The following CST8 variants were observed in gnomAD, a reference collection of about 807,000 sequenced individuals.
CST8 encodes the protein cystatin 8.
In CST8, 20 loss-of-function variants were observed where a neutral mutation model predicts 11.8. The observed-to-expected ratio is 1.70, with a 90% CI of 1.20 to 2.47. The LOEUF is 2.47. Ranked by LOEUF, CST8 falls within the 30% of genes most tolerant of loss-of-function variation. The pLI, the probability that CST8 is intolerant of heterozygous loss-of-function variation, is 0.00. For missense variants in CST8, 196 were observed against 167.2 expected, an observed-to-expected ratio of 1.17 and a Z score of -0.95; for synonymous variants, 77 against 63.1, an observed-to-expected ratio of 1.22 and a Z score of -1.05.
chr20:23,494,044 C>T (rs981620800), intron 3 of CST8, among the ~76,000 whole-genome samples: 1 of 152,058 alleles, frequency 6.6e-6, no homozygotes, highest in Non-Finnish European at 1.5e-5. Context: ...TATGAACTGC[C>T]CTGCCATTAT....
At chr20:23,500,393 G>A (rs538975113), downstream of CST8, among the ~76,000 whole-genome samples, 1 of 152,148 alleles carries the variant, frequency 6.6e-6, no homozygotes, top group Non-Finnish European at 1.5e-5. Context: ...GAGGACGTGA[G>A]TGCTGTCCCA....
the CST8 span, among the ~76,000 whole-genome samples, chr20:23,501,055 A>T: frequency 1.3e-5 from 2 of 152,168 alleles, no homozygotes; most frequent in African/African-American, 4.8e-5. Context: ...TTAAGGCCAG[A>T]TTCTAAATTT....
chr20:23,503,614 C>A, the CST8 span, among the ~76,000 whole-genome samples: 2 of 152,160 alleles, frequency 1.3e-5, no homozygotes, highest in African/African-American at 2.4e-5. Context: ...ACTGAGAAAT[C>A]TTTCAGAAGT....
At chr20:23,500,437 A>C (rs1463824242), downstream of CST8, among the ~76,000 whole-genome samples, 1 of 151,944 alleles carries the variant, frequency 6.6e-6, no homozygotes, top group Non-Finnish European at 1.5e-5. Flanking sequence ...GGCCTTCACC[A>C]CCTAACTTAA....
chr20:23,504,119 G>T, the CST8 span, among the ~76,000 whole-genome samples: 2 of 152,198 alleles, frequency 1.3e-5, no homozygotes, highest in South Asian at 2.1e-4. Flanking sequence ...GCCCAGAGGG[G>T]CATTGAAATG....
chr20:23,491,916 T>C lies in CST8; in HGVS notation c.231+18T>C. ...AGCTTCAGGTAAAGGTGTCTTTCCA[T>C]ATAGGTGGACATTTGCATATGGTGG... On this transcript the variant is annotated intron_variant, in intron 2 of 3. Transcript: ENST00000246012. 1 of 1,592,004 alleles carries C rather than the reference T, an allele frequency of 6.3e-7. No homozygotes were observed. Among genetic ancestry groups the C allele is most frequent in the Non-Finnish European group, 8.6e-7 (1 of 1,159,900 alleles).
At position 23,491,592 on chromosome 20, in the gene CST8, C is replaced by T. The variant is rs1331408628; in HGVS notation, c.-76C>T. Reference sequence around the variant, plus strand: ...CTTGAACCCACAGCAGCAGCTGCGGCCACCCCATCCTGCCCACAGCTCCAG... The same window carrying T: ...CTTGAACCCACAGCAGCAGCTGCGGTCACCCCATCCTGCCCACAGCTCCAG... On this transcript the variant is annotated 5_prime_UTR_variant, in exon 2 of 4. Transcript: ENST00000246012. The T allele has an allele frequency of 3.6e-6, 4 of 1,121,752 alleles. No individual in the cohort carries two copies. The highest frequency in any genetic ancestry group is 1.6e-5 in the African/African-American group (1 of 64,492). The allele number at this position is 1,121,752 out of a possible 1,614,324, so 69.5% of individuals were successfully genotyped here.
intron 2 of CST8, 104 bp downstream of exon 2, chr20:23,492,002 C>G (rs913290648): frequency 1.0e-5 from 9 of 859,748 alleles, no homozygotes; most frequent in Non-Finnish European, 1.5e-5. Context: ...TGCAAAAATC[C>G]TAAATATGTG....
At chr20:23,503,291 T>A in the CST8 span, among the ~76,000 whole-genome samples, 1 of 151,074 alleles carries the variant, frequency 6.6e-6, no homozygotes, top group Non-Finnish European at 1.5e-5. Context: ...GACTAGAGAG[T>A]CTTAGACTTT....
At chr20:23,495,301 A>G (rs577004830) in intron 3 of CST8, among the ~76,000 whole-genome samples, 2 of 152,202 alleles carry the variant, frequency 1.3e-5, no homozygotes, top group African/African-American at 4.8e-5. Flanking sequence ...TCGTGGTAGA[A>G]CAATTTATAT....
At chr20:23,493,302 C>T (rs145501564) in intron 3 of CST8, among the ~76,000 whole-genome samples, 1 of 152,178 alleles carries the variant, frequency 6.6e-6, no homozygotes, top group Non-Finnish European at 1.5e-5. Context: ...CAAGACCACT[C>T]TTATCTCAAG....
chr20:23,500,890 C>T (rs3004108), downstream of CST8, among the ~76,000 whole-genome samples: 62,458 of 151,448 alleles, frequency 0.41, 13,650 homozygotes, highest in Non-Finnish European at 0.49. Flanking sequence ...TCTGTAACTC[C>T]GTCTAGAAAA....
downstream of CST8, among the ~76,000 whole-genome samples, chr20:23,500,200 A>G: frequency 6.6e-6 from 1 of 152,134 alleles, no homozygotes. Context: ...AGGCCCCACC[A>G]CCAACTCTAG....
intron 3 of CST8, among the ~76,000 whole-genome samples, chr20:23,493,441 A>G (rs1987952004): frequency 6.6e-6 from 1 of 152,186 alleles, no homozygotes; most frequent in African/African-American, 2.4e-5. Flanking sequence ...CCCCATACAG[A>G]CACAAAAGGA....
chr20:23,497,373 G>T (rs557547593), downstream of CST8, among the ~76,000 whole-genome samples: 2 of 152,272 alleles, frequency 1.3e-5, no homozygotes, highest in Admixed American at 1.3e-4. Flanking sequence ...GAACCCACTG[G>T]GTGCTAACTC....
chr20:23,491,580 C>A lies in CST8; in HGVS notation c.-88C>A. 1 of 983,200 alleles carries A rather than the reference C, an allele frequency of 1.0e-6. No homozygotes were observed. Among genetic ancestry groups the A allele is most frequent in the African/African-American group, 1.6e-5 (1 of 62,238 alleles). The allele number at this position is 983,200 out of a possible 1,614,324, so 60.9% of individuals were successfully genotyped here. ...GGCTCGAAGATTCTTGAACCCACAG[C>A]AGCAGCTGCGGCCACCCCATCCTGC... On this transcript the variant is annotated 5_prime_UTR_variant, in exon 2 of 4. Transcript: ENST00000246012.
At chr20:23,497,807 T>A (rs768550741), downstream of CST8, among the ~76,000 whole-genome samples, 3 of 152,226 alleles carry the variant, frequency 2.0e-5, no homozygotes, top group Non-Finnish European at 2.9e-5. Context: ...ATGATTCAGT[T>A]ATCTCCAGCT....
downstream of CST8, among the ~76,000 whole-genome samples, chr20:23,498,334 T>A (rs1409911536): frequency 6.6e-6 from 1 of 152,180 alleles, no homozygotes; most frequent in African/African-American, 2.4e-5. Context: ...ATTTTAAACA[T>A]AGTGTTGGTT....
downstream of CST8, among the ~76,000 whole-genome samples, chr20:23,498,982 G>GT (rs1231099763): frequency 2.0e-5 from 3 of 152,132 alleles, no homozygotes; most frequent in African/African-American, 7.2e-5. Context: ...GTCTTTTCTG[G>GT]TTTTCTGGGA....
Sources: allele counts gnomAD v4.1 joint callset (sites outside exome capture counted in the v4.1 genomes callset), GRCh38; gene constraint gnomAD v4.1.1; transcripts MANE v1.5; gene names NCBI Gene and HGNC (gene_info 2026-07-23, HGNC 2026-07-21).